Variants in GLRA3 observed in about 807,000 individuals in gnomAD.
GLRA3 encodes glycine receptor alpha 3, also known as glycine receptor subunit alpha-3.
GLRA3 carries 44 observed loss-of-function variants against 60.4 expected under a neutral mutation model. That is an observed-to-expected ratio of 0.73 (90% confidence interval 0.57 to 0.94). The LOEUF is 0.94. Ranked by LOEUF, GLRA3 falls within the 40% of genes least tolerant of loss-of-function variation. The pLI, the probability that GLRA3 is intolerant of heterozygous loss-of-function variation, is 0.00. For missense variants in GLRA3, 508 were observed against 564.6 expected, an observed-to-expected ratio of 0.90 and a Z score of 1.02; for synonymous variants, 223 against 192.9, an observed-to-expected ratio of 1.16 and a Z score of -1.29.
At chr4:174,649,750 C>T (rs990181401) in intron 9 of GLRA3, among the ~76,000 whole-genome samples, 10 of 152,070 alleles carry the variant, frequency 6.6e-5, no homozygotes, top group East Asian at 1.9e-4. Context: ...GAGTTTTGGA[C>T]GCAAAACTCT....
At chr4:174,798,673 C>A (rs1043217688) in intron 1 of GLRA3, among the ~76,000 whole-genome samples, 3 of 152,260 alleles carry the variant, frequency 2.0e-5, no homozygotes, top group Middle Eastern at 3.4e-3. Context: ...GCCTGTAATC[C>A]CAGCACTTTG....
At chr4:174,672,236 T>C (rs1313823974) in intron 7 of GLRA3, among the ~76,000 whole-genome samples, 1 of 152,178 alleles carries the variant, frequency 6.6e-6, no homozygotes. Flanking sequence ...CTCCCTAGGA[T>C]ACTTCCCTAT....
intron 1 of GLRA3, among the ~76,000 whole-genome samples, chr4:174,823,173 C>T (rs910517781): frequency 2.6e-5 from 4 of 152,074 alleles, no homozygotes; most frequent in Non-Finnish European, 5.9e-5. Flanking sequence ...TCTCTTTTGG[C>T]CATTTCCCCA....
At chr4:174,739,883 T>C (rs1379812437) in intron 3 of GLRA3, among the ~76,000 whole-genome samples, 1 of 152,168 alleles carries the variant, frequency 6.6e-6, no homozygotes. Context: ...TGGAAGGATA[T>C]GCTTTCCCAG....
intron 3 of GLRA3, among the ~76,000 whole-genome samples, chr4:174,731,038 T>C (rs1031766567): frequency 6.6e-6 from 1 of 152,226 alleles, no homozygotes; most frequent in African/African-American, 2.4e-5. Flanking sequence ...GATGAATATG[T>C]TAATTAGCTT....
At chr4:174,668,497 G>T (rs1390725032) in intron 7 of GLRA3, among the ~76,000 whole-genome samples, 1 of 152,038 alleles carries the variant, frequency 6.6e-6, no homozygotes, top group Non-Finnish European at 1.5e-5. Flanking sequence ...ACATGGAGGT[G>T]GTCAAAAGGA....
intron 6 of GLRA3, 100 bp from the exon 7 acceptor site, chr4:174,677,392 C>G: frequency 1.4e-6 from 1 of 690,512 alleles, no homozygotes; most frequent in South Asian, 1.7e-5. Context: ...CAGGGTCTCA[C>G]TCTGTCCCCC....
intron 1 of GLRA3, among the ~76,000 whole-genome samples, chr4:174,802,385 G>T (rs532915443): frequency 1.7e-4 from 26 of 152,112 alleles, no homozygotes; most frequent in African/African-American, 5.8e-4. Flanking sequence ...GAACTGAAAT[G>T]TACCAGATCA....
intron 3 of GLRA3, among the ~76,000 whole-genome samples, chr4:174,742,651 C>G (rs1038519896): frequency 1.3e-5 from 2 of 152,086 alleles, no homozygotes; most frequent in Admixed American, 1.3e-4. Context: ...TTCAGACTTG[C>G]AATATGTGCC....
chr4:174,654,525 TAATA>T (rs1733127944), intron 9 of GLRA3, among the ~76,000 whole-genome samples: 1 of 152,130 alleles, frequency 6.6e-6, no homozygotes, highest in African/African-American at 2.4e-5. Flanking sequence ...AAATAATAAT[TAATA>T]AATAATCATC....
intron 7 of GLRA3, among the ~76,000 whole-genome samples, chr4:174,662,584 C>T (rs1303828127): frequency 1.3e-5 from 2 of 152,066 alleles, no homozygotes; most frequent in East Asian, 3.9e-4. Context: ...AAACGTTAGC[C>T]TGTGGGAATT....
chr4:174,756,459 A>G (rs1737702019), intron 3 of GLRA3, among the ~76,000 whole-genome samples: 1 of 152,166 alleles, frequency 6.6e-6, no homozygotes, highest in South Asian at 2.1e-4. Context: ...TTGGAAATAA[A>G]TCAATATAAT....
chr4:174,792,515 G>A (rs544901398), intron 1 of GLRA3, among the ~76,000 whole-genome samples: 2 of 152,200 alleles, frequency 1.3e-5, no homozygotes, highest in East Asian at 1.9e-4. Context: ...CAACATAGGA[G>A]TGTTGGGAGA....
chr4:174,759,004 T>A (rs1004207098), intron 3 of GLRA3, among the ~76,000 whole-genome samples: 1 of 152,102 alleles, frequency 6.6e-6, no homozygotes, highest in African/African-American at 2.4e-5. Flanking sequence ...TCAGAAAGTA[T>A]GGTAGAGAGA....
intron 1 of GLRA3, among the ~76,000 whole-genome samples, chr4:174,791,441 T>C (rs908496575): frequency 2.6e-5 from 4 of 152,192 alleles, no homozygotes; most frequent in East Asian, 3.9e-4. Flanking sequence ...CTGTTCTTTG[T>C]GGTAATTTGC....
At chr4:174,729,187 A>G (rs2111135050) in intron 3 of GLRA3, among the ~76,000 whole-genome samples, 1 of 152,312 alleles carries the variant, frequency 6.6e-6, no homozygotes, top group African/African-American at 2.4e-5. Flanking sequence ...CTTTGTCAGA[A>G]TAAAATGTTG....
In GLRA3 at chr4:174,652,533, C is replaced by T. The variant is rs28437078; in HGVS notation, c.1116+4210G>A. 6.8e-3 allele frequency among the ~76,000 whole-genome samples: 1,036 copies of T among 151,886 alleles called. 10 individuals carry two copies. The highest frequency in any genetic ancestry group is 0.024 in the African/African-American group (974 of 41,446). On this transcript the variant is annotated intron_variant, in intron 9 of 9. Transcript: ENST00000274093. ...AATGGAGATAACCATTTAGCTACTG[C>T]ACAATTCTTTTTACAGGAGTATCTT...
chr4:174,714,783 T>TAC (rs1276907247), intron 5 of GLRA3, among the ~76,000 whole-genome samples: 1 of 152,204 alleles, frequency 6.6e-6, no homozygotes, highest in Non-Finnish European at 1.5e-5. Flanking sequence ...ACAATTAATT[T>TAC]AGGACTAATT....
intron 3 of GLRA3, among the ~76,000 whole-genome samples, chr4:174,752,702 G>A (rs1737537890): frequency 6.6e-6 from 1 of 152,150 alleles, no homozygotes; most frequent in African/African-American, 2.4e-5. Flanking sequence ...AATATCCATA[G>A]TAAAGTGAAT....
Sources: allele counts gnomAD v4.1 joint callset (sites outside exome capture counted in the v4.1 genomes callset), GRCh38; gene constraint gnomAD v4.1.1; transcripts MANE v1.5; gene names NCBI Gene and HGNC (gene_info 2026-07-23, HGNC 2026-07-21).